SPRY3: variants seen among roughly 807,000 people sequenced by gnomAD.
SPRY3 encodes sprouty RTK signaling antagonist 3.
Under a neutral mutation model 20.2 loss-of-function variants are expected in SPRY3, and 15 were observed. The ratio of observed to expected loss-of-function variants is 0.74; its 90% CI spans 0.50 to 1.14. SPRY3 has a LOEUF of 1.14. Among genes scored for constraint, SPRY3 ranks in the 50% most tolerant of loss-of-function variants. The pLI is 0.00. For synonymous variants in SPRY3, 143 were observed against 136.5 expected (o/e 1.05, Z -0.33); for missense variants, 364 against 363.9 (o/e 1.00, Z 0.00).
chrX:155,747,471 A>G (rs1214923061), intron 2 of SPRY3, among the ~76,000 whole-genome samples: 6 of 151,960 alleles, frequency 3.9e-5, no homozygotes, highest in African/African-American at 1.4e-4. Flanking sequence ...CAAATATAGC[A>G]TATTTTAACA....
At chrX:155,638,752 A>G (rs2067932567) in intron 1 of SPRY3, among the ~76,000 whole-genome samples, 1 of 111,347 alleles carries the variant, frequency 9.0e-6, no homozygotes, top group African/African-American at 3.3e-5. Context: ...ATAGTGCTAG[A>G]TATCTTCTCA....
intron 1 of SPRY3, among the ~76,000 whole-genome samples, chrX:155,615,751 C>T (rs1334774780): frequency 9.0e-6 from 1 of 111,442 alleles, no homozygotes; most frequent in Non-Finnish European, 1.9e-5. Context: ...ATTTGTGTTT[C>T]GGTTTATGAA....
rs187307760 is a variant in SPRY3 at position 155,767,282 on chromosome X, T to C, written c.-281-680T>C. On this transcript the variant is annotated intron_variant, in intron 2 of 3. Transcript: ENST00000675360. ...GGAGCAATAAATCCCTTCTTTCCCATCCTCCCCTATAACCCATTCACAAGA... is the reference window on the plus strand; with the variant it reads ...GGAGCAATAAATCCCTTCTTTCCCACCCTCCCCTATAACCCATTCACAAGA... Among the ~76,000 whole-genome samples, 1,204 of 151,536 alleles carry C rather than the reference T, an allele frequency of 7.9e-3. 11 individuals carry two copies. The highest frequency in any genetic ancestry group is 0.014 in the Non-Finnish European group (956 of 67,868).
chrX:155,692,094 G>A lies in SPRY3; in HGVS notation c.-282+35069G>A, dbSNP rs192713325. Among the ~76,000 whole-genome samples, 353 of 109,408 alleles carry A rather than the reference G, an allele frequency of 3.2e-3. 6 individuals are homozygous for A. Among genetic ancestry groups the A allele is most frequent in the African/African-American group, 0.011 (333 of 29,827 alleles). ...TATTGGGAGCTTAAAAAATGAACTC[G>A]TGGAGATAGAGAGTAGAATGATGGT... On this transcript the variant is annotated intron_variant, in intron 2 of 3. Transcript: ENST00000675360.
intron 1 of SPRY3, among the ~76,000 whole-genome samples, chrX:155,627,748 C>G (rs2067892983): frequency 9.1e-6 from 1 of 109,816 alleles, no homozygotes; most frequent in Non-Finnish European, 1.9e-5. Context: ...GTTTGCTGCA[C>G]CTATCAACCC....
intron 2 of SPRY3, among the ~76,000 whole-genome samples, chrX:155,715,011 C>T (rs2091012300): frequency 6.6e-6 from 1 of 152,134 alleles, no homozygotes; most frequent in Non-Finnish European, 1.5e-5. Flanking sequence ...TCCAGAAATG[C>T]TGTCTAAGAG....
chrX:155,675,780 G>C (rs2068057360), intron 2 of SPRY3, among the ~76,000 whole-genome samples: 1 of 111,784 alleles, frequency 8.9e-6, no homozygotes, highest in African/African-American at 3.2e-5. Flanking sequence ...AGAAAAGAAA[G>C]CTGCTTGTCT....
At chrX:155,704,381 T>C (rs2090933843) in intron 2 of SPRY3, among the ~76,000 whole-genome samples, 1 of 151,802 alleles carries the variant, frequency 6.6e-6, no homozygotes, top group South Asian at 2.1e-4. Context: ...AGAATGCCTT[T>C]GAGGGGCCCA....
At chrX:155,760,742 C>A (rs1181640320) in intron 2 of SPRY3, among the ~76,000 whole-genome samples, 1 of 152,054 alleles carries the variant, frequency 6.6e-6, no homozygotes, top group Non-Finnish European at 1.5e-5. Context: ...ATAGGGTTCA[C>A]GCTCCTATGA....
intron 2 of SPRY3, among the ~76,000 whole-genome samples, chrX:155,736,949 T>C (rs189989689): frequency 2.2e-3 from 342 of 152,200 alleles, no homozygotes; most frequent in African/African-American, 7.9e-3. Flanking sequence ...TTCACTGATC[T>C]TTTCCTGGAC....
chrX:155,772,391 G>A (rs922001092), intron 3 of SPRY3, among the ~76,000 whole-genome samples: 9 of 152,080 alleles, frequency 5.9e-5, no homozygotes, highest in East Asian at 1.9e-4. Flanking sequence ...TTATGGAAAC[G>A]TAATCAAGCA....
At chrX:155,725,974 C>T (rs1483834473) in intron 2 of SPRY3, among the ~76,000 whole-genome samples, 1 of 152,172 alleles carries the variant, frequency 6.6e-6, no homozygotes, top group African/African-American at 2.4e-5. Flanking sequence ...AAATTTCCCT[C>T]TACACACTGC....
At chrX:155,616,037 G>T (rs782349212) in intron 1 of SPRY3, among the ~76,000 whole-genome samples, 2 of 106,407 alleles carry the variant, frequency 1.9e-5, no homozygotes, top group African/African-American at 6.9e-5. Context: ...CAAAAACAAG[G>T]ATTCCAGTGA....
Position 155,698,609 on chromosome X carries a change from T to C in SPRY3, c.-282+41584T>C, listed in dbSNP as rs189059498. ...ATTGTGTACCAATCCCCAAATCAAT[T>C]ACTTTGACCAAGATGGTTGAGAATG... is the stretch of plus-strand genomic sequence containing the variant. On this transcript the variant is annotated intron_variant, in intron 2 of 3. Coordinates refer to ENST00000675360, the Ensembl canonical transcript of SPRY3. 8.9e-5 allele frequency among the ~76,000 whole-genome samples: 10 copies of C among 112,041 alleles called. No individual in the cohort carries two copies. In the East Asian group the frequency reaches 2.8e-3, roughly 31 times the overall value.
At chrX:155,764,968 G>A (rs139613530) in intron 2 of SPRY3, among the ~76,000 whole-genome samples, 20 of 152,254 alleles carry the variant, frequency 1.3e-4, no homozygotes, top group African/African-American at 4.8e-4. Context: ...GGGGGAGTCC[G>A]ACTTCCTCAT....
rs139121195 is a variant in SPRY3, at chrX:155,761,882, A to G, written c.-281-6080A>G. Among the ~76,000 whole-genome samples the G allele has an allele frequency of 7.4e-3, 1,125 of 152,044 alleles. 17 individuals are homozygous for G. The highest frequency in any genetic ancestry group is 0.026 in the African/African-American group (1,080 of 41,464). ...TCCTTTTGCTCTCTAACTGTTCCAC[A>G]TGGTAACACAGTCCTTTTCACTCTC... On this transcript the variant is annotated intron_variant, in intron 2 of 3. Coordinates refer to ENST00000675360, the Ensembl canonical transcript of SPRY3.
intron 1 of SPRY3, among the ~76,000 whole-genome samples, chrX:155,630,562 T>C (rs1300453173): frequency 2.7e-5 from 3 of 111,966 alleles, no homozygotes; most frequent in Non-Finnish European, 5.6e-5. Flanking sequence ...CATTCTATGC[T>C]GGCCTACAAG....
At chrX:155,636,502 C>A (rs1176676370) in intron 1 of SPRY3, among the ~76,000 whole-genome samples, 3 of 111,250 alleles carry the variant, frequency 2.7e-5, no homozygotes, top group African/African-American at 9.8e-5. Flanking sequence ...TTAACTACAA[C>A]CCAAAACCAT....
At chrX:155,635,722 G>A (rs2067921232) in intron 1 of SPRY3, among the ~76,000 whole-genome samples, 1 of 112,051 alleles carries the variant, frequency 8.9e-6, no homozygotes, top group Admixed American at 9.4e-5. Context: ...AACAGATGCT[G>A]GAGAGGATGT....
Sources: gnomAD v4.1 joint callset for allele counts (sites outside exome capture counted in the v4.1 genomes callset) on GRCh38, gnomAD v4.1.1 for gene constraint, MANE v1.5 for transcripts, NCBI Gene and HGNC (gene_info 2026-07-23, HGNC 2026-07-21) for gene names.